The following CYP7B1 variants were observed in gnomAD, a reference collection of about 807,000 sequenced individuals.
CYP7B1 encodes cytochrome P450 7B1.
Under a neutral mutation model 42.7 loss-of-function variants are expected in CYP7B1, and 29 were observed. The observed-to-expected ratio is 0.68, with a 90% CI of 0.51 to 0.93. The LOEUF (loss-of-function observed/expected upper bound fraction) is 0.93. Ranked by LOEUF, CYP7B1 falls within the 40% of genes least tolerant of loss-of-function variation. CYP7B1 has a pLI of 0.00. For synonymous variants in CYP7B1, 235 were observed against 218.2 expected, an observed-to-expected ratio of 1.08 and a Z score of -0.68; for missense variants, 655 against 600.5, an observed-to-expected ratio of 1.09 and a Z score of -0.95.
chr8:64,760,236 A>AT (rs1277841734), intron 1 of CYP7B1, among the ~76,000 whole-genome samples: 6 of 152,102 alleles, frequency 3.9e-5, no homozygotes, highest in Non-Finnish European at 7.4e-5. Context: ...ATACACAAAA[A>AT]TTAACTCAAA....
At chr8:64,707,110 T>C (rs768407286) in intron 1 of CYP7B1, among the ~76,000 whole-genome samples, 3 of 152,078 alleles carry the variant, frequency 2.0e-5, no homozygotes, top group Non-Finnish European at 2.9e-5. Flanking sequence ...GTGCAACATA[T>C]GCGTATGCAA....
chr8:64,731,318 T>C (rs1210401167), intron 1 of CYP7B1, among the ~76,000 whole-genome samples: 2 of 152,134 alleles, frequency 1.3e-5, no homozygotes, highest in South Asian at 2.1e-4. Context: ...ATGGAGAACT[T>C]GTTGGGAACT....
intron 1 of CYP7B1, among the ~76,000 whole-genome samples, chr8:64,698,030 T>A (rs1806856820): frequency 6.6e-6 from 1 of 152,234 alleles, no homozygotes; most frequent in Admixed American, 6.5e-5. Flanking sequence ...TGGCCTTGTA[T>A]CAAATAAAAT....
chr8:64,659,415 T>A (rs2129631386), intron 1 of CYP7B1, among the ~76,000 whole-genome samples: 1 of 152,300 alleles, frequency 6.6e-6, no homozygotes, highest in Non-Finnish European at 1.5e-5. Context: ...AGTATTCCCC[T>A]GAATAAATAT....
At chr8:64,717,041 T>C (rs1807166077) in intron 1 of CYP7B1, among the ~76,000 whole-genome samples, 1 of 152,260 alleles carries the variant, frequency 6.6e-6, no homozygotes, top group African/African-American at 2.4e-5. Flanking sequence ...CTTCTTAATG[T>C]ATTAACTGTT....
intron 1 of CYP7B1, among the ~76,000 whole-genome samples, chr8:64,667,189 C>T (rs554544477): frequency 5.3e-5 from 8 of 152,244 alleles, no homozygotes; most frequent in East Asian, 1.9e-4. Context: ...CCCACCCTGT[C>T]GAAATTATGT....
intron 1 of CYP7B1, among the ~76,000 whole-genome samples, chr8:64,724,042 C>T (rs1029213527): frequency 1.3e-5 from 2 of 151,466 alleles, no homozygotes; most frequent in African/African-American, 4.9e-5. Flanking sequence ...CCACAGAGAA[C>T]GGTCTGAAAG....
At chr8:64,701,896 C>T (rs547481599) in intron 1 of CYP7B1, among the ~76,000 whole-genome samples, 16 of 152,126 alleles carry the variant, frequency 1.1e-4, no homozygotes, top group African/African-American at 3.9e-4. Flanking sequence ...TCTAATAAAG[C>T]ACTGTAGCTA....
At chr8:64,782,992 ATAACATGATGCAC>A (rs1349289104) in intron 1 of CYP7B1, among the ~76,000 whole-genome samples, 1 of 152,240 alleles carries the variant, frequency 6.6e-6, no homozygotes, top group Non-Finnish European at 1.5e-5. Flanking sequence ...AAGGAAAAGC[ATAACATGATGCAC>A]TAAGTGATTC....
chr8:64,786,593 A>G (rs1804531965), intron 1 of CYP7B1, among the ~76,000 whole-genome samples: 1 of 152,120 alleles, frequency 6.6e-6, no homozygotes. Flanking sequence ...CCCCCCTCCC[A>G]GTTGCTTTCA....
intron 1 of CYP7B1, among the ~76,000 whole-genome samples, chr8:64,793,069 GA>G (rs1375710198): frequency 6.6e-6 from 1 of 152,164 alleles, no homozygotes; most frequent in African/African-American, 2.4e-5. Context: ...GTGGCACCTA[GA>G]AACTGAGAGA....
At chr8:64,702,911 T>C (rs891881500) in intron 1 of CYP7B1, among the ~76,000 whole-genome samples, 1 of 152,070 alleles carries the variant, frequency 6.6e-6, no homozygotes, top group Non-Finnish European at 1.5e-5. Flanking sequence ...CTCTGTTCCA[T>C]ATTATAATTT....
At chr8:64,766,050 G>T (rs1304943641) in intron 1 of CYP7B1, among the ~76,000 whole-genome samples, 1 of 152,160 alleles carries the variant, frequency 6.6e-6, no homozygotes, top group Non-Finnish European at 1.5e-5. Flanking sequence ...TGGTATCTCA[G>T]TCAGGTCAAT....
At chr8:64,621,239 A>G (rs1479519692) in intron 2 of CYP7B1, among the ~76,000 whole-genome samples, 1 of 152,224 alleles carries the variant, frequency 6.6e-6, no homozygotes, top group Non-Finnish European at 1.5e-5. Flanking sequence ...ATCAGTTCTG[A>G]GCTCTAGACT....
At chr8:64,781,303 C>G (rs1804419468) in intron 1 of CYP7B1, among the ~76,000 whole-genome samples, 1 of 152,094 alleles carries the variant, frequency 6.6e-6, no homozygotes, top group African/African-American at 2.4e-5. Context: ...GGGAATATGG[C>G]CATTACACTA....
chr8:64,732,767 C>T (rs1021442973), intron 1 of CYP7B1: 21 of 151,988 alleles, frequency 1.4e-4, no homozygotes, highest in African/African-American at 4.8e-4. Context: ...GGGGGCAGTC[C>T]CCTCATGCTG....
At chr8:64,643,916 CCTG>C in intron 1 of CYP7B1, among the ~76,000 whole-genome samples, 1 of 152,128 alleles carries the variant, frequency 6.6e-6, no homozygotes, top group East Asian at 1.9e-4. Context: ...TTCTAGTTCT[CCTG>C]CTATTTTCAC....
intron 5 of CYP7B1, among the ~76,000 whole-genome samples, chr8:64,602,415 A>G (rs1255174031): frequency 6.6e-6 from 1 of 152,132 alleles, no homozygotes; most frequent in Admixed American, 6.5e-5. Flanking sequence ...TTGGAAGACC[A>G]TGGCCTGTCT....
intron 1 of CYP7B1, among the ~76,000 whole-genome samples, chr8:64,776,546 C>A (rs1336355585): frequency 2.0e-5 from 3 of 152,094 alleles, no homozygotes; most frequent in African/African-American, 7.2e-5. Flanking sequence ...GTACTTGAGA[C>A]AATTCAATCG....
Sources: gnomAD v4.1 joint callset for allele counts (sites outside exome capture counted in the v4.1 genomes callset) on GRCh38, gnomAD v4.1.1 for gene constraint, MANE v1.5 for transcripts, NCBI Gene and HGNC (gene_info 2026-07-23, HGNC 2026-07-21) for gene names.